Variants in PPARGC1A observed in about 807,000 individuals in gnomAD.
PPARGC1A encodes PPARG coactivator 1 alpha.
A neutral mutation model predicts 88.7 loss-of-function variants in PPARGC1A; 25 were observed. The observed-to-expected ratio is 0.28, with a 90% CI of 0.21 to 0.39. The LOEUF (loss-of-function observed/expected upper bound fraction) is 0.39. Ranked by LOEUF, PPARGC1A falls within the 10% of genes least tolerant of loss-of-function variation. The pLI, the probability that PPARGC1A is intolerant of heterozygous loss-of-function variation, is 1.00. For missense variants in PPARGC1A, 880 were observed against 968.7 expected (o/e 0.91, Z 1.22); for synonymous variants, 363 against 355.6 (o/e 1.02, Z -0.24).
At chr4:24,146,360 T>G in the PPARGC1A span, among the ~76,000 whole-genome samples, 2 of 152,336 alleles carry the variant, frequency 1.3e-5, no homozygotes, top group African/African-American at 4.8e-5. Flanking sequence ...GGCATGCACA[T>G]TTGTGCAAAT....
the PPARGC1A span, among the ~76,000 whole-genome samples, chr4:24,463,926 C>G: frequency 2.4e-4 from 36 of 152,318 alleles, no homozygotes; most frequent in East Asian, 3.5e-3. Flanking sequence ...CCTGACAATA[C>G]TCTCAATCAC....
the PPARGC1A span, among the ~76,000 whole-genome samples, chr4:23,937,130 C>T: frequency 1.3e-5 from 2 of 151,376 alleles, no homozygotes; most frequent in African/African-American, 2.4e-5. Context: ...TTTACCAGAA[C>T]AGAGAGGGAG....
chr4:23,797,846 G>C (rs1191049123), intron 12 of PPARGC1A, among the ~76,000 whole-genome samples: 3 of 152,154 alleles, frequency 2.0e-5, no homozygotes, highest in Non-Finnish European at 4.4e-5. Context: ...AAATGTTATA[G>C]GTGTCAGGCC....
At chr4:24,296,864 T>C in the PPARGC1A span, among the ~76,000 whole-genome samples, 1 of 152,290 alleles carries the variant, frequency 6.6e-6, no homozygotes, top group South Asian at 2.1e-4. Flanking sequence ...CCAGGATGCA[T>C]ACGAAGTTCT....
At chr4:24,392,087 T>A in the PPARGC1A span, among the ~76,000 whole-genome samples, 1 of 152,158 alleles carries the variant, frequency 6.6e-6, no homozygotes, top group Admixed American at 6.5e-5. Context: ...GAAAACCTGA[T>A]AGTAAGAATT....
the PPARGC1A span, among the ~76,000 whole-genome samples, chr4:24,292,759 G>A: frequency 7.6e-5 from 1 of 13,164 alleles, no homozygotes; most frequent in African/African-American, 4.2e-4. Flanking sequence ...ACCCCCACCC[G>A]TCTGCGCTCC....
At chr4:24,388,937 C>G in the PPARGC1A span, among the ~76,000 whole-genome samples, 47 of 152,188 alleles carry the variant, frequency 3.1e-4, no homozygotes, top group African/African-American at 1.1e-3. Flanking sequence ...CGTGCACGTT[C>G]TGCACATGTA....
the PPARGC1A span, among the ~76,000 whole-genome samples, chr4:24,303,288 T>C: frequency 2.0e-5 from 3 of 152,130 alleles, no homozygotes; most frequent in Non-Finnish European, 2.9e-5. Flanking sequence ...AATGGAGAGA[T>C]TATCAACATA....
intron 2 of PPARGC1A, among the ~76,000 whole-genome samples, chr4:23,844,848 T>TTATTATAATATATGATATA (rs1560429762): frequency 1.5e-4 from 18 of 123,194 alleles, no homozygotes; most frequent in African/African-American, 5.5e-4. Context: ...ATGATATATA[T>TTATTATAATATATGATATA]TATTATAATA....
At chr4:23,929,423 T>C in the PPARGC1A span, among the ~76,000 whole-genome samples, 5 of 152,228 alleles carry the variant, frequency 3.3e-5, no homozygotes, top group Non-Finnish European at 7.3e-5. Context: ...AGACCTTTTA[T>C]GTGGTTGAAC....
the PPARGC1A span, among the ~76,000 whole-genome samples, chr4:24,325,193 G>C: frequency 1.3e-5 from 2 of 152,062 alleles, no homozygotes; most frequent in Non-Finnish European, 2.9e-5. Context: ...ACGCTTTACA[G>C]CCCTAGACCC....
At chr4:24,175,422 T>C in the PPARGC1A span, among the ~76,000 whole-genome samples, 3 of 146,182 alleles carry the variant, frequency 2.1e-5, no homozygotes, top group African/African-American at 7.6e-5. Context: ...TCACCCAGGC[T>C]GGAGCGTAGT....
chr4:24,053,192 G>A, the PPARGC1A span, among the ~76,000 whole-genome samples: 1 of 151,492 alleles, frequency 6.6e-6, no homozygotes, highest in Non-Finnish European at 1.5e-5. Flanking sequence ...TTTAAGTCCA[G>A]CAATTTTTCT....
chr4:24,159,422 G>C, the PPARGC1A span, among the ~76,000 whole-genome samples: 1 of 151,834 alleles, frequency 6.6e-6, no homozygotes, highest in African/African-American at 2.4e-5. Flanking sequence ...TGTTGGTCAG[G>C]CTGGTCTCGA....
At chr4:23,947,372 TATATATATATATATATATATATATAA>T in the PPARGC1A span, among the ~76,000 whole-genome samples, 600 of 20,984 alleles carry the variant, frequency 0.029, 23 homozygotes, top group South Asian at 0.17. Context: ...TATATATATA[TATATATATATATATATATATATATAA>T]AAAAAACGGT....
intron 1 of PPARGC1A, among the ~76,000 whole-genome samples, chr4:23,898,694 T>A (rs1471918917): frequency 6.6e-6 from 1 of 152,128 alleles, no homozygotes; most frequent in African/African-American, 2.4e-5. Flanking sequence ...TGATGAGAGA[T>A]CCATTTTAAA....
the PPARGC1A span, among the ~76,000 whole-genome samples, chr4:24,342,814 T>G: frequency 5.3e-5 from 8 of 152,326 alleles, no homozygotes; most frequent in South Asian, 1.7e-3. Flanking sequence ...CCAAGCCAGT[T>G]TGAGTCCTGG....
the PPARGC1A span, among the ~76,000 whole-genome samples, chr4:24,392,242 G>C: frequency 3.3e-5 from 5 of 152,030 alleles, no homozygotes; most frequent in South Asian, 6.2e-4. Flanking sequence ...CTAGGTGGAG[G>C]CTTTTTTTAA....
At chr4:24,315,610 G>A in the PPARGC1A span, among the ~76,000 whole-genome samples, 1 of 152,126 alleles carries the variant, frequency 6.6e-6, no homozygotes, top group Non-Finnish European at 1.5e-5. Flanking sequence ...TTTTCCACCA[G>A]GGCCAATTTT....
Sources: allele counts gnomAD v4.1 joint callset (sites outside exome capture counted in the v4.1 genomes callset), GRCh38; gene constraint gnomAD v4.1.1; transcripts MANE v1.5; gene names NCBI Gene and HGNC (gene_info 2026-07-23, HGNC 2026-07-21).